NLRC5: variants seen among roughly 807,000 people sequenced by gnomAD.
The protein encoded by NLRC5 is protein NLRC5.
A neutral mutation model predicts 206.9 loss-of-function variants in NLRC5; 114 were observed. The ratio of observed to expected loss-of-function variants is 0.55; its 90% CI spans 0.47 to 0.64. The LOEUF (loss-of-function observed/expected upper bound fraction) is 0.64, where lower values mean the gene tolerates loss of function less well. Ranked by LOEUF, NLRC5 falls within the 30% of genes least tolerant of loss-of-function variation. The pLI is 0.00. For missense variants in NLRC5, 2,008 were observed against 2,305.5 expected (o/e 0.87, Z 2.64); for synonymous variants, 952 against 962.8 (o/e 0.99, Z 0.21).
chr16:57,020,736 C>T lies in NLRC5; in HGVS notation c.24C>T (p.Leu8=), dbSNP rs140440847. The stretch of plus-strand genomic sequence containing the variant: ...TCATGGACCCCGTTGGCCTCCAGCT[C>T]GGCAACAAGAACCTGTGGAGCTGTC... MDPVGLQ[L]GNKNLWSCLV... The change falls in exon 3 of 49, where the codon CTC becomes CTT. Residue 8 remains leucine (L), a synonymous_variant. Transcript: ENST00000688547. 907 of 1,611,302 alleles carry T rather than the reference C, an allele frequency of 5.6e-4. 9 individuals are homozygous for T. Among genetic ancestry groups the T allele is most frequent in the Middle Eastern group, 1.7e-4 (1 of 6,058 alleles).
intron 32 of NLRC5, among the ~76,000 whole-genome samples, chr16:57,063,496 C>A (rs139296624): frequency 2.0e-5 from 3 of 152,158 alleles, no homozygotes; most frequent in African/African-American, 7.2e-5. Flanking sequence ...TCAATTGACA[C>A]TTGGGTTGTC....
intron 39 of NLRC5, among the ~76,000 whole-genome samples, 179 bp from the exon 40 acceptor site, chr16:57,076,640 G>C (rs572627787): frequency 6.6e-6 from 1 of 152,304 alleles, no homozygotes; most frequent in Admixed American, 6.5e-5. Context: ...CTGGACACTG[G>C]GGACAATAAT....
intron 16 of NLRC5, among the ~76,000 whole-genome samples, chr16:57,040,116 G>A (rs2063099625): frequency 6.6e-6 from 1 of 152,222 alleles, no homozygotes; most frequent in Non-Finnish European, 1.5e-5. Flanking sequence ...GGTAGCCAGA[G>A]GGGGATTCCG....
chr16:57,023,840 G>A lies in NLRC5; in HGVS notation c.411G>A (p.Lys137=), dbSNP rs1413189764. The A allele has an allele frequency of 1.2e-6, 2 of 1,611,252 alleles. No homozygotes were observed. The highest frequency in any genetic ancestry group is 1.1e-5 in the South Asian group (1 of 90,382). Residue 137 remains lysine (K), a synonymous_variant, in exon 5 of 49, where the codon AAG becomes AAA. Coordinates refer to ENST00000688547, the MANE Select transcript of NLRC5 (RefSeq NM_001384950.1). ...CCTCACCCCGCCGGAAGCAGTGCAA[G>A]AAGCAGCAGCTAGGTGGGTACCAGT... The part of the protein sequence containing the change: ...CGSSPRRKQC[K]KQQLELAKKY...
At chr16:57,014,823 G>C (rs372697309) in intron 1 of NLRC5, among the ~76,000 whole-genome samples, 12 of 152,330 alleles carry the variant, frequency 7.9e-5, no homozygotes, top group African/African-American at 2.9e-4. Flanking sequence ...CTGGTGTCTG[G>C]AGAGGATGCG....
chr16:57,054,969 G>C, intron 25 of NLRC5, 63 bp from the exon 26 acceptor site: 2 of 1,603,456 alleles, frequency 1.2e-6, no homozygotes. Flanking sequence ...AGGGGTGCTG[G>C]CCCCGTGGGG....
Position 57,026,033 on chromosome 16 carries a change from A to G in NLRC5, c.1090A>G (p.Met364Val). The G allele has an allele frequency of 6.2e-7, 1 of 1,614,012 alleles. No homozygotes were observed. Among genetic ancestry groups the G allele is most frequent in the Non-Finnish European group, 8.5e-7 (1 of 1,180,032 alleles). ...GCCTGCAGAGGCAGCCATGGTCCAC[A>G]TGTTGGGCTTTGATGGGCCACGGGT... is the stretch of plus-strand genomic sequence containing the variant. Reference protein sequence around the residue: ...CLPAEAAMVHMLGFDGPRVEE... With the variant: ...CLPAEAAMVHVLGFDGPRVEE... Residue 364 changes from methionine (M) to valine (V), a missense_variant, in exon 6 of 49, where the codon ATG becomes GTG. Met to Val is a conservative substitution (Grantham distance 21). Transcript: ENST00000688547.
intron 1 of NLRC5, among the ~76,000 whole-genome samples, chr16:56,997,773 G>T (rs994222189): frequency 2.6e-5 from 4 of 151,774 alleles, no homozygotes; most frequent in Admixed American, 1.3e-4. Flanking sequence ...TAGAGATGGG[G>T]TTTCTCCATG....
chr16:57,003,506 G>T (rs1293132518), intron 1 of NLRC5, among the ~76,000 whole-genome samples: 1 of 152,064 alleles, frequency 6.6e-6, no homozygotes, highest in African/African-American at 2.4e-5. Context: ...CCCACTCACT[G>T]TGGGTGACAC....
At chr16:56,992,021 A>G (rs2056945359) in intron 1 of NLRC5, 2 of 152,212 alleles carry the variant, frequency 1.3e-5, no homozygotes, top group South Asian at 4.1e-4. Context: ...ACACATGAAG[A>G]CAGAGACATA....
Position 57,053,588 on chromosome 16 carries a change from G to A in NLRC5, c.3507-1163G>A, listed in dbSNP as rs1043924093. Among the ~76,000 whole-genome samples, 12 of 152,324 alleles carry A rather than the reference G, an allele frequency of 7.9e-5. No homozygotes were observed. The East Asian group carries it at 2.1e-3, about 27-fold the overall frequency. On this transcript the variant is annotated intron_variant, in intron 24 of 48. Coordinates refer to ENST00000688547, the MANE Select transcript of NLRC5 (RefSeq NM_001384950.1). ...CTGTCACACAGGCTGGAGTGCAATG[G>A]CGCAATCTCGGCTCACTGCAACCTC...
In NLRC5 at chr16:57,079,485, C is replaced by A. The variant is rs535143434; in HGVS notation, c.5238-61C>A. 4.7e-6 allele frequency: 7 copies of A among 1,474,420 alleles called. No homozygotes were observed. In the African/African-American group the frequency reaches 6.9e-5, roughly 15 times the overall value. The allele number at this position is 1,474,420 out of a possible 1,614,324, so 91.3% of individuals were successfully genotyped here. Reference sequence around the variant, plus strand: ...GACCCTGGTGGCTCTGGAGGCAGGACCTGCTAGATCCCCTGACTCAAACAA... The same window carrying A: ...GACCCTGGTGGCTCTGGAGGCAGGAACTGCTAGATCCCCTGACTCAAACAA... On this transcript the variant is annotated intron_variant, in intron 45 of 48. Transcript: ENST00000688547.
chr16:57,004,082 G>C (rs534509069), intron 1 of NLRC5: 1 of 152,464 alleles, frequency 6.6e-6, no homozygotes, highest in South Asian at 2.1e-4. Flanking sequence ...GGTCTGGAAG[G>C]AGAAGTCTGC....
intron 47 of NLRC5, 140 bp from the exon 48 acceptor site, chr16:57,081,387 T>TGC: frequency 1.1e-6 from 1 of 917,294 alleles, no homozygotes; most frequent in Non-Finnish European, 1.7e-6. Context: ...CAGTCCCCTG[T>TGC]TGTCTTTTGG....
intron 1 of NLRC5, among the ~76,000 whole-genome samples, chr16:56,994,685 T>TG (rs762951794): frequency 2.7e-4 from 41 of 151,464 alleles, no homozygotes; most frequent in Non-Finnish European, 3.7e-4. Flanking sequence ...CAGGGAACCA[T>TG]GGGCCATGGC....
chr16:56,996,803 A>G (rs1027965487), intron 1 of NLRC5, among the ~76,000 whole-genome samples: 4 of 152,226 alleles, frequency 2.6e-5, no homozygotes, highest in Admixed American at 2.6e-4. Flanking sequence ...AAAGACGACC[A>G]TTTGTTGAAA....
chr16:57,045,411 G>T, intron 20 of NLRC5, 37 bp from the exon 21 acceptor site: 3 of 1,613,502 alleles, frequency 1.9e-6, no homozygotes, highest in African/African-American at 2.7e-5. Flanking sequence ...GTTGGTCTTT[G>T]ACCATTTTCA....
At position 57,037,258 on chromosome 16, in the gene NLRC5, C is replaced by T. The variant is rs1435731064; in HGVS notation, c.2775C>T (p.Cys925=). 3.1e-6 allele frequency: 5 copies of T among 1,613,434 alleles called. No individual in the cohort carries two copies. The highest frequency in any genetic ancestry group is 3.3e-5 in the Admixed American group (2 of 60,008). The change falls in exon 15 of 49, where the codon TGC becomes TGT. Residue 925 remains cysteine (C), a synonymous_variant. Coordinates refer to ENST00000688547, the MANE Select transcript of NLRC5 (RefSeq NM_001384950.1). ...GTGTGCTGAGGGCCGTGAGTGCGTG[C>T]TGGACCCTGGCAGAGCTGCACATCA... The part of the protein sequence containing the change: ...VHCVLRAVSA[C]WTLAELHISL...
intron 11 of NLRC5, among the ~76,000 whole-genome samples, chr16:57,032,343 T>C (rs2061978421): frequency 6.6e-6 from 1 of 151,828 alleles, no homozygotes; most frequent in Non-Finnish European, 1.5e-5. Flanking sequence ...TGAGCCATGA[T>C]CACACCACTG....
Sources: gnomAD v4.1 joint callset for allele counts (sites outside exome capture counted in the v4.1 genomes callset) on GRCh38, gnomAD v4.1.1 for gene constraint, MANE v1.5 for transcripts, NCBI Gene and HGNC (gene_info 2026-07-23, HGNC 2026-07-21) for gene names.